Variants in NIN observed in about 807,000 individuals in gnomAD.
NIN encodes the protein glycogen synthase kinase 3 beta-interacting protein.
A neutral mutation model predicts 257.6 loss-of-function variants in NIN; 137 were observed. That is an observed-to-expected ratio of 0.53 (90% confidence interval 0.46 to 0.61). The LOEUF is 0.61. Ranked by LOEUF, NIN falls within the 20% of genes least tolerant of loss-of-function variation. NIN has a pLI of 0.00. For missense variants in NIN, 2,439 were observed against 2,501.2 expected (o/e 0.98, Z 0.53); for synonymous variants, 918 against 919.8 (o/e 1.00, Z 0.04).
chr14:50,749,360 A>G (rs144915799), intron 21 of NIN, among the ~76,000 whole-genome samples: 5,704 of 152,306 alleles, frequency 0.037, 107 homozygotes, highest in Non-Finnish European at 0.049. Context: ...TAACAACCCT[A>G]GAAGAAAACC....
Position 50,822,005 on chromosome 14 carries a change from C to T in NIN, c.52G>A (p.Asp18Asn). 1 of 1,614,176 alleles carries T rather than the reference C, an allele frequency of 6.2e-7. No homozygotes were observed. ...QHEARLKELFDSFDTTGTGSL... is the reference protein window; with the variant it reads ...QHEARLKELFNSFDTTGTGSL... ...CCTGTGCCCGTCGTGTCAAAACTGT[C>T]AAACAGCTCCTTGAGTCGGGCCTCA... Residue 18 changes from aspartate (D) to asparagine (N), a missense_variant, in exon 3 of 31, where the codon GAC becomes AAC. Transcript: ENST00000530997.
chr14:50,725,368 G>A (rs774640784), intron 30 of NIN, among the ~76,000 whole-genome samples: 1 of 152,100 alleles, frequency 6.6e-6, no homozygotes, highest in Non-Finnish European at 1.5e-5. Context: ...TCTGCCACCA[G>A]CAGGTGAAAA....
At position 50,758,200 on chromosome 14, in the gene NIN, G is replaced by A; in HGVS notation, c.2830C>T (p.His944Tyr). ...SDQILELKSS[H>Y]KRELREREEV... ...TCACGCTCCCTCAGTTCCCTTTTGT[G>A]ACTGCTCTTCAGCTCAAGTATCTGG... Residue 944 changes from histidine to tyrosine, a missense_variant, in exon 18 of 31, where the codon CAC (histidine) becomes TAC (tyrosine). His to Tyr is a moderately conservative substitution (Grantham distance 83, BLOSUM62 2). Around this residue, in one of 3 missense-constraint regions of NIN, gnomAD observed 2,043 missense variants for 2,050.2 expected, o/e 1.00. Transcript: ENST00000530997. 1 of 1,614,148 alleles carries A rather than the reference G, an allele frequency of 6.2e-7. No individual in the cohort carries two copies.
intron 3 of NIN, among the ~76,000 whole-genome samples, chr14:50,820,239 G>C (rs1308204827): frequency 6.6e-6 from 1 of 152,194 alleles, no homozygotes; most frequent in Non-Finnish European, 1.5e-5. Context: ...AGCGTCAGAA[G>C]CAGGCTGGTA....
chr14:50,748,203 T>C, intron 21 of NIN, 98 bp from the exon 22 acceptor site: 1 of 700,476 alleles, frequency 1.4e-6, no homozygotes. Context: ...AACAGTAATA[T>C]GAACTCAATG....
intron 27 of NIN, among the ~76,000 whole-genome samples, chr14:50,736,136 G>A (rs1222903230): frequency 1.3e-5 from 2 of 151,814 alleles, no homozygotes; most frequent in Admixed American, 1.3e-4. Flanking sequence ...GATTTCGTGA[G>A]TACCTTTTTT....
At chr14:50,801,489 A>T (rs1391794197) in intron 4 of NIN, among the ~76,000 whole-genome samples, 3 of 152,212 alleles carry the variant, frequency 2.0e-5, no homozygotes, top group African/African-American at 7.2e-5. Context: ...TACCTTACTT[A>T]ACCAACAGAA....
chr14:50,747,341 C>A (rs751011527), intron 22 of NIN, among the ~76,000 whole-genome samples: 3 of 152,150 alleles, frequency 2.0e-5, no homozygotes, highest in Non-Finnish European at 2.9e-5. Flanking sequence ...AAGATAGTCC[C>A]CCTCCTTTTA....
At chr14:50,796,933 T>A (rs1375076852) in intron 4 of NIN, among the ~76,000 whole-genome samples, 1 of 152,174 alleles carries the variant, frequency 6.6e-6, no homozygotes, top group Non-Finnish European at 1.5e-5. Flanking sequence ...CTAAAACCAC[T>A]GCATGAACAG....
chr14:50,727,869 A>G, intron 29 of NIN: 3 of 764,586 alleles, frequency 3.9e-6, no homozygotes, highest in Non-Finnish European at 4.1e-6. Flanking sequence ...CATTAACACT[A>G]CATAGGCAAG....
intron 27 of NIN, among the ~76,000 whole-genome samples, chr14:50,737,646 GT>G (rs35662853): frequency 0.2 from 28,027 of 136,866 alleles, 3,198 homozygotes; most frequent in South Asian, 0.33. Flanking sequence ...TTTTGTTGTT[GT>G]TTTTTTTTTT....
Position 50,806,763 on chromosome 14 carries a change from G to A in NIN, c.239C>T (p.Ser80Leu), listed in dbSNP as rs768760327. ...TGGTTCTTGAAAGTGTTCTTCATTT[G>A]ACAGAGTTCTGGACAAGATGAGTAT... Reference protein sequence around the residue: ...ALILILSRTLSNEEHFQEPDC... With the variant: ...ALILILSRTLLNEEHFQEPDC... Residue 80 changes from serine (S) to leucine (L), a missense_variant, in exon 4 of 31, where the codon TCA becomes TTA. By Grantham distance (145) the Ser-to-Leu change is moderately radical (BLOSUM62 -2). Coordinates refer to ENST00000530997, the MANE Select transcript of NIN (RefSeq NM_020921.4). 6.3e-7 allele frequency: 1 copy of A among 1,588,782 alleles called. No homozygotes were observed. Among genetic ancestry groups the A allele is most frequent in the Non-Finnish European group, 8.6e-7 (1 of 1,158,698 alleles).
intron 3 of NIN, among the ~76,000 whole-genome samples, chr14:50,815,757 C>T (rs533174858): frequency 1.5e-3 from 222 of 152,286 alleles, no homozygotes; most frequent in Non-Finnish European, 2.9e-3. Flanking sequence ...GGCCTGTAAT[C>T]CCAGCACTTT....
intron 3 of NIN, among the ~76,000 whole-genome samples, chr14:50,819,356 G>A (rs991013300): frequency 6.6e-6 from 1 of 152,202 alleles, no homozygotes; most frequent in East Asian, 1.9e-4. Flanking sequence ...TGTTGTGGGA[G>A]GGACCCAGTG....
chr14:50,734,625 G>C (rs1221857955), intron 28 of NIN, among the ~76,000 whole-genome samples: 1 of 152,142 alleles, frequency 6.6e-6, no homozygotes, highest in Non-Finnish European at 1.5e-5. Flanking sequence ...AAGCAATCTA[G>C]AAGACTGGAA....
chr14:50,823,132 C>T lies in NIN; in HGVS notation c.-21-1055G>A, dbSNP rs80296574. 2.8e-3 allele frequency: 1,438 copies of T among 520,542 alleles called. 17 individuals carry two copies. Among genetic ancestry groups the T allele is most frequent in the African/African-American group, 0.026 (1,287 of 50,086 alleles). 32.2% of individuals were successfully genotyped at this position (520,542 alleles called of 1,614,324 possible). A position where few individuals can be genotyped will look rare whatever the true frequency, so the allele number is the denominator to read the frequency against. ...ATACATCATAAAATTCCAGGTAGCT[C>T]GTATTTTACTAATGAAATCTGTGGT... On this transcript the variant is annotated intron_variant, in intron 2 of 30. Coordinates refer to ENST00000530997, the MANE Select transcript of NIN (RefSeq NM_020921.4).
At chr14:50,821,587 A>C (rs2045223607) in intron 3 of NIN, among the ~76,000 whole-genome samples, 1 of 152,216 alleles carries the variant, frequency 6.6e-6, no homozygotes. Flanking sequence ...ATGTGGAGTC[A>C]ATAAAATAAA....
At chr14:50,809,922 G>T (rs528799685) in intron 3 of NIN, among the ~76,000 whole-genome samples, 3 of 152,210 alleles carry the variant, frequency 2.0e-5, no homozygotes, top group Middle Eastern at 3.4e-3. Context: ...AAAGCTGAGG[G>T]AGGTGTCATA....
At chr14:50,733,539 C>T (rs2040824604) in intron 28 of NIN, among the ~76,000 whole-genome samples, 1 of 152,148 alleles carries the variant, frequency 6.6e-6, no homozygotes, top group Non-Finnish European at 1.5e-5. Flanking sequence ...CCTCTGTTAG[C>T]AAATATTTAC....
Sources: allele counts gnomAD v4.1 joint callset (sites outside exome capture counted in the v4.1 genomes callset), GRCh38; gene constraint gnomAD v4.1.1; regional missense constraint gnomAD v4.1.1; transcripts MANE v1.5; gene names NCBI Gene and HGNC (gene_info 2026-07-23, HGNC 2026-07-21).